The following ZFYVE9 variants were observed in gnomAD, a reference collection of about 807,000 sequenced individuals.
ZFYVE9 encodes zinc finger FYVE domain-containing protein 9.
A neutral mutation model predicts 126.7 loss-of-function variants in ZFYVE9; 43 were observed. The observed-to-expected ratio is 0.34, with a 90% CI of 0.27 to 0.44. ZFYVE9 has a LOEUF of 0.44. ZFYVE9 is among the 20% of genes least tolerant of loss of function. ZFYVE9 has a pLI of 1.00. For synonymous variants in ZFYVE9, 521 were observed against 597.4 expected (o/e 0.87, Z 1.87); for missense variants, 1,476 against 1,697.0 (o/e 0.87, Z 2.29).
chr1:52,324,264 C>G (rs1646269636), intron 13 of ZFYVE9, among the ~76,000 whole-genome samples: 2 of 151,808 alleles, frequency 1.3e-5, no homozygotes, highest in Non-Finnish European at 2.9e-5. Context: ...CACACACACA[C>G]ACACACACAA....
chr1:52,249,035 A>G (rs1164487390), intron 4 of ZFYVE9, among the ~76,000 whole-genome samples: 1 of 152,172 alleles, frequency 6.6e-6, no homozygotes, highest in Non-Finnish European at 1.5e-5. Context: ...TGCTGTTCTC[A>G]TAATAGTGAG....
chr1:52,247,826 C>G (rs1234080337), intron 4 of ZFYVE9, among the ~76,000 whole-genome samples: 1 of 152,088 alleles, frequency 6.6e-6, no homozygotes, highest in Non-Finnish European at 1.5e-5. Flanking sequence ...TAATAACTTC[C>G]CATCTTTCCT....
intron 18 of ZFYVE9, 149 bp downstream of exon 18, chr1:52,345,093 A>G: frequency 1.3e-6 from 1 of 781,010 alleles, no homozygotes; most frequent in East Asian, 2.6e-5. Context: ...CTTTAATAGT[A>G]CTATACCCAC....
Position 52,344,811 on chromosome 1 carries a change from A to G in ZFYVE9, c.3983A>G (p.Asp1328Gly). The G allele has an allele frequency of 6.2e-7, 1 of 1,614,146 alleles. No individual in the cohort carries two copies. The highest frequency in any genetic ancestry group is 8.5e-7 in the Non-Finnish European group (1 of 1,180,014). Residue 1328 changes from aspartate to glycine, a missense_variant, in exon 18 of 19, where the codon GAT becomes GGT. By Grantham distance (94) the Asp-to-Gly change is moderately conservative. Coordinates refer to ENST00000287727, the MANE Select transcript of ZFYVE9 (RefSeq NM_004799.4). The stretch of plus-strand genomic sequence containing the variant: ...GATGACCAGCACAATTGCCTCAGTG[A>G]TCCTGCAGATCACAGTAGATTGACT... ...ENDDQHNCLS[D>G]PADHSRLTEH...
At chr1:52,182,028 C>T (rs900088496) in intron 1 of ZFYVE9, among the ~76,000 whole-genome samples, 5 of 151,572 alleles carry the variant, frequency 3.3e-5, no homozygotes, top group Admixed American at 6.5e-5. Flanking sequence ...CGGCCAGCCG[C>T]CCCGTCCGGG....
chr1:52,276,141 G>A (rs1645746358), intron 8 of ZFYVE9, among the ~76,000 whole-genome samples: 1 of 151,790 alleles, frequency 6.6e-6, no homozygotes, highest in Non-Finnish European at 1.5e-5. Context: ...CTCTTGACCT[G>A]GTGATTTGCC....
intron 1 of ZFYVE9, among the ~76,000 whole-genome samples, chr1:52,153,953 A>G (rs1348215151): frequency 6.6e-6 from 1 of 152,236 alleles, no homozygotes. Flanking sequence ...AGGATAGCAC[A>G]CCATTTTTGT....
rs1427761595 is a variant in ZFYVE9 at position 52,238,401 on chromosome 1, C to T, written c.984C>T (p.Thr328=). ...AAAAAGAGCCAGCAGAGGAGAGCAC[C>T]ACTGAAGAATCCCTCCGGTCTGGTT... is the stretch of plus-strand genomic sequence containing the variant. ...LMKKEPAEES[T]TEESLRSGLP... Residue 328 remains threonine (T), a synonymous_variant, in exon 4 of 19, where the codon ACC becomes ACT. Transcript: ENST00000287727. 1.2e-6 allele frequency: 2 copies of T among 1,614,004 alleles called. No individual in the cohort carries two copies. The highest frequency in any genetic ancestry group is 1.7e-6 in the Non-Finnish European group (2 of 1,179,962).
chr1:52,207,268 C>T (rs1413161383), intron 1 of ZFYVE9, among the ~76,000 whole-genome samples: 4 of 152,238 alleles, frequency 2.6e-5, no homozygotes, highest in Non-Finnish European at 5.9e-5. Context: ...TAGTCCCAAT[C>T]GCAGATCAGT....
chr1:52,288,067 A>C (rs1211673488), intron 10 of ZFYVE9, among the ~76,000 whole-genome samples: 1 of 152,208 alleles, frequency 6.6e-6, no homozygotes, highest in African/African-American at 2.4e-5. Flanking sequence ...AATATATGCT[A>C]AGCAGTATAT....
intron 9 of ZFYVE9, among the ~76,000 whole-genome samples, chr1:52,279,281 G>T (rs1325265666): frequency 6.6e-6 from 1 of 152,018 alleles, no homozygotes; most frequent in Non-Finnish European, 1.5e-5. Context: ...AATTATACAG[G>T]CTACTCAAAT....
At chr1:52,149,151 A>T (rs1644331687) in intron 1 of ZFYVE9, among the ~76,000 whole-genome samples, 1 of 151,070 alleles carries the variant, frequency 6.6e-6, no homozygotes, top group Non-Finnish European at 1.5e-5. Context: ...TTGAGTAGAG[A>T]TGGGGTTTTG....
chr1:52,258,856 G>A (rs918892209), intron 4 of ZFYVE9, among the ~76,000 whole-genome samples: 1 of 150,500 alleles, frequency 6.6e-6, no homozygotes. Flanking sequence ...GTATTCTTGG[G>A]TTCTTCTGTG....
chr1:52,248,080 A>G (rs969461170), intron 4 of ZFYVE9, among the ~76,000 whole-genome samples: 2 of 152,254 alleles, frequency 1.3e-5, no homozygotes, highest in Non-Finnish European at 1.5e-5. Context: ...GGGAGAATCA[A>G]CTCACATGGT....
At chr1:52,271,819 A>G (rs910169354) in intron 7 of ZFYVE9, among the ~76,000 whole-genome samples, 4 of 152,160 alleles carry the variant, frequency 2.6e-5, no homozygotes, top group African/African-American at 9.7e-5. Context: ...ATGGCAAAAC[A>G]TGGGCATATT....
At chr1:52,312,026 G>T (rs570516217) in intron 13 of ZFYVE9, among the ~76,000 whole-genome samples, 2 of 152,024 alleles carry the variant, frequency 1.3e-5, no homozygotes, top group Non-Finnish European at 2.9e-5. Flanking sequence ...CCTGACCTTA[G>T]GTGATCTGTC....
chr1:52,345,888 A>C, intron 18 of ZFYVE9, 172 bp from the exon 19 acceptor site: 1 of 600,520 alleles, frequency 1.7e-6, no homozygotes, highest in Non-Finnish European at 2.6e-6. Flanking sequence ...CAGGAGGAGT[A>C]AACAACAGGA....
chr1:52,244,476 G>A (rs1645364799), intron 4 of ZFYVE9, among the ~76,000 whole-genome samples: 1 of 152,114 alleles, frequency 6.6e-6, no homozygotes, highest in Admixed American at 6.5e-5. Context: ...AGAGCATGAA[G>A]AAATTTACAC....
chr1:52,242,332 A>G (rs1645343030), intron 4 of ZFYVE9, among the ~76,000 whole-genome samples: 1 of 152,128 alleles, frequency 6.6e-6, no homozygotes, highest in Non-Finnish European at 1.5e-5. Flanking sequence ...GCGCCTGGCC[A>G]ATCTACTGAC....
Sources: allele counts gnomAD v4.1 joint callset (sites outside exome capture counted in the v4.1 genomes callset), GRCh38; gene constraint gnomAD v4.1.1; transcripts MANE v1.5; gene names NCBI Gene and HGNC (gene_info 2026-07-23, HGNC 2026-07-21).